The following PRKCB variants were observed in gnomAD, a reference collection of about 807,000 sequenced individuals.
The protein encoded by PRKCB is protein kinase C beta type.
A neutral mutation model predicts 81.5 loss-of-function variants in PRKCB; 13 were observed. The ratio of observed to expected loss-of-function variants is 0.16; its 90% confidence interval spans 0.10 to 0.25. PRKCB has a LOEUF of 0.25. Ranked by LOEUF, PRKCB falls within the 10% of genes least tolerant of loss-of-function variation. The pLI is 1.00. For missense variants in PRKCB, 509 were observed against 875.7 expected (o/e 0.58, Z 5.29); for synonymous variants, 335 against 321.4 (o/e 1.04, Z -0.45).
At chr16:24,059,942 A>T (rs1225938178) in intron 5 of PRKCB, among the ~76,000 whole-genome samples, 2 of 152,104 alleles carry the variant, frequency 1.3e-5, no homozygotes, top group Admixed American at 1.3e-4. Context: ...TGGATGCTGG[A>T]TGTTGAGGAG....
intron 5 of PRKCB, among the ~76,000 whole-genome samples, chr16:24,068,477 G>GAAAA (rs530701855): frequency 0.031 from 3,544 of 116,128 alleles, 145 homozygotes; most frequent in African/African-American, 0.097. Context: ...TGGCCCAAAG[G>GAAAA]AAAAAAAAAA....
chr16:23,973,478 C>T (rs908368354), intron 2 of PRKCB, among the ~76,000 whole-genome samples: 36 of 151,518 alleles, frequency 2.4e-4, no homozygotes, highest in Non-Finnish European at 4.7e-4. Context: ...CCACCGGGCC[C>T]GGCCTCTTTC....
chr16:23,958,904 C>T (rs780718916), intron 2 of PRKCB, among the ~76,000 whole-genome samples: 1 of 152,076 alleles, frequency 6.6e-6, no homozygotes, highest in African/African-American at 2.4e-5. Flanking sequence ...GTGGTGGTTC[C>T]GAGCCAGATG....
chr16:24,107,037 A>T (rs1458679232), intron 7 of PRKCB, among the ~76,000 whole-genome samples: 1 of 152,232 alleles, frequency 6.6e-6, no homozygotes, highest in Admixed American at 6.5e-5. Flanking sequence ...GCCACTTGCC[A>T]GAAACATTTC....
intron 3 of PRKCB, among the ~76,000 whole-genome samples, chr16:24,009,614 G>C (rs747226540): frequency 2.6e-5 from 4 of 150,954 alleles, no homozygotes; most frequent in African/African-American, 9.8e-5. Flanking sequence ...AAAAAGACAA[G>C]TGTTAGCAAA....
intron 16 of PRKCB, chr16:24,191,474 A>T: frequency 2.4e-6 from 1 of 409,020 alleles, no homozygotes. Flanking sequence ...CTTCGATTCA[A>T]TTATTGTAAC....
At chr16:23,886,728 CAGATTTCTTGGCTT>C in intron 2 of PRKCB, among the ~76,000 whole-genome samples, 1 of 152,210 alleles carries the variant, frequency 6.6e-6, no homozygotes, top group African/African-American at 2.4e-5. Context: ...ATGAGTTGAA[CAGATTTCTTGGCTT>C]CAGCAGGGGC....
chr16:24,049,296 T>TTTACCACTACCCG (rs1965810053), intron 5 of PRKCB, among the ~76,000 whole-genome samples: 1 of 151,454 alleles, frequency 6.6e-6, no homozygotes, highest in Admixed American at 6.6e-5. Context: ...ACCACTACCC[T>TTTACCACTACCCG]GGCACATCCG....
At chr16:24,084,900 A>T (rs569889396) in intron 5 of PRKCB, among the ~76,000 whole-genome samples, 3 of 152,166 alleles carry the variant, frequency 2.0e-5, no homozygotes, top group Admixed American at 6.5e-5. Context: ...ATGGGTATAT[A>T]GTGGCATGAA....
intron 2 of PRKCB, among the ~76,000 whole-genome samples, chr16:23,904,420 T>C (rs554491515): frequency 6.6e-6 from 1 of 152,310 alleles, no homozygotes; most frequent in Non-Finnish European, 1.5e-5. Flanking sequence ...CCCAGCACTT[T>C]GGGAGGCTGA....
At chr16:23,866,480 A>G (rs987896951) in intron 2 of PRKCB, among the ~76,000 whole-genome samples, 1 of 152,180 alleles carries the variant, frequency 6.6e-6, no homozygotes, top group African/African-American at 2.4e-5. Flanking sequence ...AGTCCCCTCT[A>G]CCTTCCCCAG....
intron 2 of PRKCB, among the ~76,000 whole-genome samples, chr16:23,894,089 C>T (rs1474393854): frequency 6.6e-6 from 1 of 152,194 alleles, no homozygotes; most frequent in East Asian, 1.9e-4. Context: ...AGCTGGGGGA[C>T]TGCATGGGAT....
intron 5 of PRKCB, among the ~76,000 whole-genome samples, chr16:24,056,917 G>C (rs1965908775): frequency 6.6e-6 from 1 of 152,190 alleles, no homozygotes; most frequent in Admixed American, 6.5e-5. Flanking sequence ...CCATAGCCTT[G>C]CTATTGGTGA....
chr16:24,127,956 A>T (rs1310313566), intron 9 of PRKCB, among the ~76,000 whole-genome samples: 1 of 152,204 alleles, frequency 6.6e-6, no homozygotes, highest in Non-Finnish European at 1.5e-5. Flanking sequence ...ATCTCCATAA[A>T]CAGAAGAACA....
At position 24,219,130 on chromosome 16, in the gene PRKCB, G is replaced by A. The variant is rs1462314492; in HGVS notation, c.*4314G>A. Reference sequence around the variant, plus strand: ...TTAGCCCACATTCTGATGTTCCCTGGTGAGACTTGCCCCAAGCAATTGCTA... The same window carrying A: ...TTAGCCCACATTCTGATGTTCCCTGATGAGACTTGCCCCAAGCAATTGCTA... On this transcript the variant is annotated 3_prime_UTR_variant, in exon 17 of 17. Transcript: ENST00000643927. 2 of 985,276 alleles carry A rather than the reference G, an allele frequency of 2.0e-6. No homozygotes were observed. The highest frequency in any genetic ancestry group is 6.2e-5 in the Admixed American group (1 of 16,252). The allele number at this position is 985,276 out of a possible 1,614,324, so 61.0% of individuals were successfully genotyped here. A position where few individuals can be genotyped will look rare whatever the true frequency, so the allele number is the denominator to read the frequency against.
chr16:24,102,150 G>A (rs1323188369), intron 7 of PRKCB, among the ~76,000 whole-genome samples: 1 of 152,090 alleles, frequency 6.6e-6, no homozygotes, highest in Non-Finnish European at 1.5e-5. Flanking sequence ...GACCTCAGGT[G>A]AGCCACTTCA....
intron 9 of PRKCB, among the ~76,000 whole-genome samples, chr16:24,131,189 G>A (rs764207912): frequency 2.0e-5 from 3 of 152,190 alleles, no homozygotes; most frequent in Non-Finnish European, 1.5e-5. Flanking sequence ...TAGGTGCCCA[G>A]GTATCACATT....
chr16:23,922,601 T>C (rs1203093001), intron 2 of PRKCB, among the ~76,000 whole-genome samples: 1 of 152,248 alleles, frequency 6.6e-6, no homozygotes, highest in African/African-American at 2.4e-5. Flanking sequence ...ATGTCAACTT[T>C]GAAATATACA....
chr16:24,213,447 G>A (rs959582148), intron 16 of PRKCB, among the ~76,000 whole-genome samples: 2 of 152,132 alleles, frequency 1.3e-5, no homozygotes, highest in African/African-American at 4.8e-5. Flanking sequence ...AGTCTCCGTG[G>A]TCTCAGTTCC....
Sources: allele counts gnomAD v4.1 joint callset (sites outside exome capture counted in the v4.1 genomes callset), GRCh38; gene constraint gnomAD v4.1.1; transcripts MANE v1.5; gene names NCBI Gene and HGNC (gene_info 2026-07-23, HGNC 2026-07-21).